Variants in CCNY observed in about 807,000 individuals in gnomAD.
CCNY encodes cyclin Y.
In CCNY, 19 loss-of-function variants were observed where a neutral mutation model predicts 42.8. The ratio of observed to expected loss-of-function variants is 0.44; its 90% confidence interval spans 0.31 to 0.65. The LOEUF (loss-of-function observed/expected upper bound fraction) is 0.65, where lower values mean the gene tolerates loss of function less well. Ranked by LOEUF, CCNY falls within the 30% of genes least tolerant of loss-of-function variation. The pLI, the probability that CCNY is intolerant of heterozygous loss-of-function variation, is 0.07. For missense variants in CCNY, 370 were observed against 437.3 expected (o/e 0.85, Z 1.37); for synonymous variants, 165 against 162.7 (o/e 1.01, Z -0.11).
intron 1 of CCNY, among the ~76,000 whole-genome samples, chr10:35,460,585 A>C (rs1381123884): frequency 2.0e-5 from 3 of 152,262 alleles, no homozygotes; most frequent in Non-Finnish European, 1.5e-5. Context: ...TACTGTTATT[A>C]TAAATATGAT....
intron 1 of CCNY, among the ~76,000 whole-genome samples, chr10:35,374,926 C>T (rs1837017159): frequency 6.6e-6 from 1 of 151,944 alleles, no homozygotes; most frequent in African/African-American, 2.4e-5. Flanking sequence ...GGATGCTTGT[C>T]ATTTGATGGA....
chr10:35,468,530 G>T (rs1839318463), intron 1 of CCNY, among the ~76,000 whole-genome samples: 2 of 151,848 alleles, frequency 1.3e-5, no homozygotes, highest in East Asian at 1.9e-4. Context: ...TTTCACCACT[G>T]TGCACAAATT....
At chr10:35,478,587 T>G (rs1168835930) in intron 1 of CCNY, among the ~76,000 whole-genome samples, 1 of 152,322 alleles carries the variant, frequency 6.6e-6, no homozygotes, top group East Asian at 1.9e-4. Flanking sequence ...GCTAGCCATA[T>G]GGAGAAAGCT....
At chr10:35,320,849 A>G (rs1340198186) in intron 3 of CCNY, 1 of 152,124 alleles carries the variant, frequency 6.6e-6, no homozygotes, top group African/African-American at 2.4e-5. Flanking sequence ...AGTATCAAAA[A>G]CAATACCTCT....
rs1838517661 is a variant in CCNY at position 35,435,823 on chromosome 10, T to G, written c.155-47581T>G. Among the ~76,000 whole-genome samples the G allele has an allele frequency of 2.0e-5, 3 of 152,160 alleles. No individual in the cohort carries two copies. The South Asian group carries it at 6.2e-4, about 32-fold the overall frequency. On this transcript the variant is annotated intron_variant, in intron 1 of 9. Transcript: ENST00000374704. ...TGCTGTGGGAACCAAATGCTAGGTA[T>G]TGGTGAGAATTAAATGGGAGAACAT...
chr10:35,376,292 C>T (rs529714651), intron 1 of CCNY, among the ~76,000 whole-genome samples: 12 of 152,260 alleles, frequency 7.9e-5, no homozygotes, highest in Admixed American at 3.3e-4. Flanking sequence ...TACCGTATGA[C>T]GCAGCAGTGC....
intron 1 of CCNY, among the ~76,000 whole-genome samples, chr10:35,459,855 G>A (rs72798168): frequency 0.01 from 1,546 of 152,218 alleles, 13 homozygotes; most frequent in Non-Finnish European, 0.014. Flanking sequence ...GTACTTGGGG[G>A]GAATACATAC....
intron 3 of CCNY, among the ~76,000 whole-genome samples, chr10:35,261,393 AC>A (rs949273598): frequency 1.2e-4 from 18 of 151,514 alleles, no homozygotes; most frequent in Non-Finnish European, 2.2e-4. Context: ...GTATGCTAAC[AC>A]TCTTGGCTAA....
rs910865974 is a variant in CCNY at position 35,571,421 on chromosome 10, A to G, written c.*2251A>G. 2 of 152,376 alleles carry G rather than the reference A, an allele frequency of 1.3e-5. No individual in the cohort carries two copies. The highest frequency in any genetic ancestry group is 2.4e-5 in the African/African-American group (1 of 41,466). 9.4% of individuals were successfully genotyped at this position (152,376 alleles called of 1,614,324 possible). On this transcript the variant is annotated 3_prime_UTR_variant, in exon 10 of 10. Transcript: ENST00000374704. Reference sequence around the variant, plus strand: ...ACCAGACTCAAGTCTTGTTTAGACTACTGAATACTGTTTTAGCCTGTGCCC... The same window carrying G: ...ACCAGACTCAAGTCTTGTTTAGACTGCTGAATACTGTTTTAGCCTGTGCCC...
intron 3 of CCNY, among the ~76,000 whole-genome samples, chr10:35,306,469 T>C (rs1835607584): frequency 6.6e-6 from 1 of 152,252 alleles, no homozygotes; most frequent in South Asian, 2.1e-4. Flanking sequence ...GCTCCTTCCC[T>C]GGCTTTCGGT....
intron 1 of CCNY, among the ~76,000 whole-genome samples, chr10:35,431,449 TCTCTCTCTCA>T (rs1838407554): frequency 1.9e-5 from 2 of 106,700 alleles, no homozygotes; most frequent in African/African-American, 7.0e-5. Context: ...TCTCTCTCTC[TCTCTCTCTCA>T]CACTCACTCA....
At chr10:35,503,516 TG>T (rs1840153775) in intron 3 of CCNY, among the ~76,000 whole-genome samples, 1 of 152,162 alleles carries the variant, frequency 6.6e-6, no homozygotes, top group African/African-American at 2.4e-5. Context: ...TGAAATTACC[TG>T]CAGATTCAAT....
At chr10:35,555,727 G>GT (rs1281858110) in intron 8 of CCNY, among the ~76,000 whole-genome samples, 1 of 152,128 alleles carries the variant, frequency 6.6e-6, no homozygotes, top group Admixed American at 6.5e-5. Context: ...AAAAACAACT[G>GT]TTTTTTGTAA....
intron 7 of CCNY, among the ~76,000 whole-genome samples, chr10:35,535,968 C>T (rs1298377959): frequency 6.6e-6 from 1 of 152,172 alleles, no homozygotes; most frequent in East Asian, 1.9e-4. Context: ...CTTGTTTCTA[C>T]TTTCTGGCTA....
intron 3 of CCNY, among the ~76,000 whole-genome samples, chr10:35,257,216 C>CA: frequency 7.8e-6 from 1 of 128,762 alleles, no homozygotes. Context: ...TTCTTTTCTC[C>CA]TCCCTCCCTC....
intron 1 of CCNY, among the ~76,000 whole-genome samples, chr10:35,462,318 C>T (rs1839173856): frequency 6.6e-6 from 1 of 152,118 alleles, no homozygotes; most frequent in Admixed American, 6.5e-5. Flanking sequence ...GCAGAAGGAC[C>T]CCGTCTTGCC....
intron 1 of CCNY, among the ~76,000 whole-genome samples, chr10:35,405,178 T>G (rs1479286149): frequency 3.3e-5 from 5 of 152,146 alleles, no homozygotes; most frequent in African/African-American, 1.2e-4. Flanking sequence ...TAAGGAGAGT[T>G]TACAGGCTTT....
chr10:35,436,189 G>A (rs1187154899), intron 1 of CCNY, among the ~76,000 whole-genome samples: 2 of 152,170 alleles, frequency 1.3e-5, no homozygotes, highest in Non-Finnish European at 2.9e-5. Context: ...GGGACCCTGA[G>A]TGCCAAGCAG....
At chr10:35,549,834 C>G (rs375077584) in intron 7 of CCNY, among the ~76,000 whole-genome samples, 11 of 5,496 alleles carry the variant, frequency 2.0e-3, no homozygotes, top group Non-Finnish European at 2.3e-3. Flanking sequence ...TGACCCTACA[C>G]TGCTCGTGAC....
Sources: gnomAD v4.1 joint callset for allele counts (sites outside exome capture counted in the v4.1 genomes callset) on GRCh38, gnomAD v4.1.1 for gene constraint, MANE v1.5 for transcripts, NCBI Gene and HGNC (gene_info 2026-07-23, HGNC 2026-07-21) for gene names.